The following CLASP2 variants were observed in gnomAD, a reference collection of about 807,000 sequenced individuals.
CLASP2 encodes CLIP-associating protein 2.
A neutral mutation model predicts 194.4 loss-of-function variants in CLASP2; 47 were observed. That is an observed-to-expected ratio of 0.24 (90% CI 0.19 to 0.31). The LOEUF is 0.31. Ranked by LOEUF, CLASP2 falls within the 10% of genes least tolerant of loss-of-function variation. The pLI is 1.00. For synonymous variants in CLASP2, 619 were observed against 633.5 expected, an observed-to-expected ratio of 0.98 and a Z score of 0.34; for missense variants, 1,445 against 1,823.6, an observed-to-expected ratio of 0.79 and a Z score of 3.78.
At chr3:33,678,052 C>T (rs1204381195) in intron 6 of CLASP2, among the ~76,000 whole-genome samples, 1 of 150,676 alleles carries the variant, frequency 6.6e-6, no homozygotes, top group African/African-American at 2.4e-5. Context: ...ATAGAATTCT[C>T]CAAAACTGAA....
At chr3:33,563,571 T>C (rs754572873) in intron 27 of CLASP2, among the ~76,000 whole-genome samples, 5 of 152,224 alleles carry the variant, frequency 3.3e-5, no homozygotes, top group African/African-American at 4.8e-5. Flanking sequence ...CCTAGGGCTT[T>C]GCAAGCCATA....
chr3:33,658,459 A>G (rs2084696319), intron 7 of CLASP2, among the ~76,000 whole-genome samples: 1 of 152,190 alleles, frequency 6.6e-6, no homozygotes, highest in African/African-American at 2.4e-5. Context: ...AAGGCTAAAT[A>G]TTTTCTAGAA....
intron 34 of CLASP2, among the ~76,000 whole-genome samples, chr3:33,533,323 C>T (rs1237122730): frequency 1.3e-5 from 2 of 152,174 alleles, no homozygotes; most frequent in East Asian, 1.9e-4. Flanking sequence ...CAATTTTCTA[C>T]ATCCTTATGC....
chr3:33,505,227 A>AAACAACAACAACAAC (rs397874790), intron 37 of CLASP2: 7 of 117,366 alleles, frequency 6.0e-5, no homozygotes, highest in East Asian at 2.4e-4. Flanking sequence ...CCAGAGATAA[A>AAACAACAACAACAAC]AACAACAACA....
chr3:33,534,241 T>C (rs1448543687), intron 34 of CLASP2, among the ~76,000 whole-genome samples: 1 of 152,064 alleles, frequency 6.6e-6, no homozygotes, highest in African/African-American at 2.4e-5. Context: ...AATTAAGTAA[T>C]TAAGAAAAAA....
intron 12 of CLASP2, among the ~76,000 whole-genome samples, chr3:33,613,765 G>A (rs1299535662): frequency 6.6e-6 from 1 of 152,124 alleles, no homozygotes; most frequent in East Asian, 1.9e-4. Context: ...AAAACCCATG[G>A]AGATCCCCTA....
At chr3:33,613,927 G>A (rs1463978067) in intron 12 of CLASP2, among the ~76,000 whole-genome samples, 2 of 152,140 alleles carry the variant, frequency 1.3e-5, no homozygotes, top group Non-Finnish European at 2.9e-5. Context: ...CATACTCAGG[G>A]GGAGCTGTAC....
intron 27 of CLASP2, among the ~76,000 whole-genome samples, chr3:33,562,475 C>T (rs2154180558): frequency 6.6e-6 from 1 of 152,324 alleles, no homozygotes; most frequent in Admixed American, 6.5e-5. Flanking sequence ...CATGTGCTGG[C>T]ATCAGTTTGC....
At chr3:33,645,216 C>G (rs902478391) in intron 7 of CLASP2, 1 of 760,568 alleles carries the variant, frequency 1.3e-6, no homozygotes, top group Non-Finnish European at 2.4e-6. Flanking sequence ...TTTCTGCCAG[C>G]TCCTCCCATA....
chr3:33,662,015 A>C (rs1482303854), intron 7 of CLASP2, among the ~76,000 whole-genome samples: 2 of 152,232 alleles, frequency 1.3e-5, no homozygotes, highest in Admixed American at 6.5e-5. Context: ...TGCAATATTC[A>C]GACTGTAATC....
chr3:33,648,212 A>G (rs1220728286), intron 7 of CLASP2, among the ~76,000 whole-genome samples: 1 of 152,346 alleles, frequency 6.6e-6, no homozygotes, highest in African/African-American at 2.4e-5. Flanking sequence ...TGAACTAGTA[A>G]AAGTGAAAGA....
At chr3:33,556,496 C>T (rs1346437297) in intron 29 of CLASP2, among the ~76,000 whole-genome samples, 2 of 150,448 alleles carry the variant, frequency 1.3e-5, no homozygotes, top group Admixed American at 6.6e-5. Flanking sequence ...AGGGCAGTGG[C>T]GCAGACTCGG....
chr3:33,663,383 T>C (rs1016575440), intron 7 of CLASP2, 62 bp downstream of exon 7: 8 of 1,292,080 alleles, frequency 6.2e-6, no homozygotes, highest in African/African-American at 1.5e-5. Flanking sequence ...ATATAATACA[T>C]TTTAGTGCCT....
intron 32 of CLASP2, among the ~76,000 whole-genome samples, chr3:33,539,281 C>CA (rs1378276129): frequency 4.6e-5 from 7 of 150,932 alleles, no homozygotes; most frequent in South Asian, 4.2e-4. Context: ...TGGAAAAAAA[C>CA]AAAAAAAATC....
chr3:33,652,408 C>T (rs1168807312), intron 7 of CLASP2, among the ~76,000 whole-genome samples: 1 of 152,162 alleles, frequency 6.6e-6, no homozygotes, highest in East Asian at 1.9e-4. Context: ...CCTTGGAAAA[C>T]TCAAATTTTA....
intron 7 of CLASP2, among the ~76,000 whole-genome samples, chr3:33,648,626 C>T (rs903994184): frequency 1.6e-4 from 24 of 152,168 alleles, no homozygotes; most frequent in African/African-American, 5.6e-4. Flanking sequence ...AATTCATTAT[C>T]ACTAGCCCTA....
rs765376009 is a variant in CLASP2 at position 33,576,278 on chromosome 3, A to G, written c.2348-3T>C. 2 of 1,609,178 alleles carry G rather than the reference A, an allele frequency of 1.2e-6. No individual in the cohort carries two copies. Among genetic ancestry groups the G allele is most frequent in the Non-Finnish European group, 1.7e-6 (2 of 1,175,864 alleles). On this transcript the variant is annotated splice_polypyrimidine_tract_variant and splice_region_variant and intron_variant, in intron 23 of 38. Coordinates refer to ENST00000682230, the MANE Select transcript of CLASP2 (RefSeq NM_001365631.1). ...TTGGCTGATCCCATAACCTGGACCT[A>G]ATTCATCAAAAGAAGGAAAATAGAT...
intron 28 of CLASP2, 44 bp from the exon 29 acceptor site, chr3:33,559,429 A>G (rs750154471): frequency 1.7e-6 from 2 of 1,144,242 alleles, no homozygotes. Context: ...TTTAGTTAGC[A>G]AGTACGCATG....
chr3:33,624,207 C>T (rs147136163), intron 10 of CLASP2, among the ~76,000 whole-genome samples: 35 of 152,154 alleles, frequency 2.3e-4, no homozygotes, highest in East Asian at 1.5e-3. Context: ...TATAATTTCA[C>T]ATTTAACTCG....
Sources: gnomAD v4.1 joint callset for allele counts (sites outside exome capture counted in the v4.1 genomes callset) on GRCh38, gnomAD v4.1.1 for gene constraint, MANE v1.5 for transcripts, NCBI Gene and HGNC (gene_info 2026-07-23, HGNC 2026-07-21) for gene names.